Variants in TLR7 observed in about 807,000 individuals in gnomAD.
The protein encoded by TLR7 is toll-like receptor 7.
Under a neutral mutation model 38.3 loss-of-function variants are expected in TLR7, and 12 were observed. The ratio of observed to expected loss-of-function variants is 0.31; its 90% confidence interval spans 0.20 to 0.51. The LOEUF is 0.51. TLR7 is among the 20% of genes least tolerant of loss of function. The pLI, the probability that TLR7 is intolerant of heterozygous loss-of-function variation, is 0.98. For missense variants in TLR7, 504 were observed against 743.4 expected, an observed-to-expected ratio of 0.68 and a Z score of 3.74; for synonymous variants, 285 against 293.8, an observed-to-expected ratio of 0.97 and a Z score of 0.31.
rs766987669 is a variant in TLR7, at chrX:12,885,492, G to T, written c.4-20G>T. On this transcript the variant is annotated intron_variant, in intron 2 of 2. Coordinates refer to ENST00000380659, the MANE Select transcript of TLR7 (RefSeq NM_016562.4). ...TTGGTATGTTTTAGAACAATGATTT[G>T]TTCTTTCTTATACTTTCAGGTGTTT... The T allele has an allele frequency of 1.7e-6, 2 of 1,154,011 alleles. No homozygotes were observed. The highest frequency in any genetic ancestry group is 1.8e-5 in the African/African-American group (1 of 55,986).
At chrX:12,874,098 C>G (rs2042862777) in intron 2 of TLR7, among the ~76,000 whole-genome samples, 1 of 111,787 alleles carries the variant, frequency 8.9e-6, no homozygotes, top group East Asian at 2.8e-4. Context: ...GGCAGGCAGA[C>G]CACCTGAAGT....
chrX:12,876,709 G>A (rs1055217714), intron 2 of TLR7, among the ~76,000 whole-genome samples: 1 of 111,877 alleles, frequency 8.9e-6, no homozygotes, highest in East Asian at 2.8e-4. Context: ...CTAAAGAGAC[G>A]ATATATTGAG....
At chrX:12,885,165 C>G (rs531169933) in intron 2 of TLR7, among the ~76,000 whole-genome samples, 27 of 112,609 alleles carry the variant, frequency 2.4e-4, no homozygotes, top group East Asian at 8.3e-4. Flanking sequence ...TATCCATATT[C>G]TAACATTTCT....
intron 2 of TLR7, among the ~76,000 whole-genome samples, chrX:12,872,308 G>A (rs746631005): frequency 1.9e-4 from 21 of 111,700 alleles, no homozygotes; most frequent in Non-Finnish European, 3.8e-4. Context: ...CTCTCCCACA[G>A]GGTCTCTCTT....
chrX:12,888,425 T>C lies in TLR7; in HGVS notation c.2917T>C (p.Leu973=), dbSNP rs763667715. 6.6e-6 allele frequency: 8 copies of C among 1,210,335 alleles called. No homozygotes were observed. The highest frequency in any genetic ancestry group is 8.9e-6 in the Non-Finnish European group (8 of 895,252). The change falls in exon 3 of 3, where the codon TTG becomes CTG. Residue 973 remains leucine (L), a synonymous_variant. Coordinates refer to ENST00000380659, the MANE Select transcript of TLR7 (RefSeq NM_016562.4). ...KTENFKIAFY[L]SHQRLMDEKV... ...TGAAAATTTTAAGATAGCATTTTACTTGTCCCATCAGAGGCTCATGGATGA... is the reference window on the plus strand; with the variant it reads ...TGAAAATTTTAAGATAGCATTTTACCTGTCCCATCAGAGGCTCATGGATGA...
At position 12,886,681 on chromosome X, in the gene TLR7, G is replaced by A. The variant is rs745510673; in HGVS notation, c.1173G>A (p.Ser391=). The change falls in exon 3 of 3, where the codon TCG becomes TCA. Residue 391 remains serine (S), a synonymous_variant. Coordinates refer to ENST00000380659, the MANE Select transcript of TLR7 (RefSeq NM_016562.4). ...VFKELKSFNL[S]PLHNLQNLEV... is the part of the protein sequence containing the mutation. Reference sequence around the variant, plus strand: ...AAGAGTTGAAAAGCTTTAACCTCTCGCCATTACATAATCTTCAAAATCTTG... The same window carrying A: ...AAGAGTTGAAAAGCTTTAACCTCTCACCATTACATAATCTTCAAAATCTTG... The A allele has an allele frequency of 1.2e-5, 15 of 1,209,988 alleles. No individual in the cohort carries two copies. Among genetic ancestry groups the A allele is most frequent in the East Asian group, 1.2e-4 (4 of 33,822 alleles).
chrX:12,882,084 C>G (rs1396530850), intron 2 of TLR7, among the ~76,000 whole-genome samples: 3 of 111,182 alleles, frequency 2.7e-5, no homozygotes, highest in African/African-American at 9.8e-5. Context: ...GTGGTGGTTA[C>G]AAGGCTGGCT....
chrX:12,886,693 T>A lies in TLR7; in HGVS notation c.1185T>A (p.Asn395Lys). 4 of 1,211,649 alleles carry A rather than the reference T, an allele frequency of 3.3e-6. No individual in the cohort carries two copies. Among genetic ancestry groups the A allele is most frequent in the Non-Finnish European group, 4.5e-6 (4 of 895,372 alleles). Reference protein sequence around the residue: ...LKSFNLSPLHNLQNLEVLDLG... With the variant: ...LKSFNLSPLHKLQNLEVLDLG... ...GCTTTAACCTCTCGCCATTACATAA[T>A]CTTCAAAATCTTGAAGTTCTTGATC... The change falls in exon 3 of 3, where the codon AAT becomes AAA. Residue 395 changes from asparagine (N) to lysine (K), a missense_variant. By Grantham distance (94) the Asn-to-Lys change is moderately conservative (BLOSUM62 0). Coordinates refer to ENST00000380659, the MANE Select transcript of TLR7 (RefSeq NM_016562.4).
chrX:12,881,888 AAG>A (rs1211953837), intron 2 of TLR7, among the ~76,000 whole-genome samples: 2 of 112,228 alleles, frequency 1.8e-5, no homozygotes, highest in African/African-American at 6.5e-5. Flanking sequence ...AGTGCTACGT[AAG>A]TTAACTACTA....
Position 12,888,576 on chromosome X carries a change from C to A in TLR7, c.3068C>A (p.Pro1023Gln), listed in dbSNP as rs768207383. Residue 1023 changes from proline (P) to glutamine (Q), a missense_variant, in exon 3 of 3, where the codon CCA becomes CAA. Coordinates refer to ENST00000380659, the MANE Select transcript of TLR7 (RefSeq NM_016562.4). The stretch of plus-strand genomic sequence containing the variant: ...TGGCCAACAAACCCGCAAGCTCACC[C>A]ATACTTCTGGCAGTGTCTAAAGAAC... ...LEWPTNPQAH[P>Q]YFWQCLKNAL... 2.5e-6 allele frequency: 3 copies of A among 1,211,541 alleles called. No individual in the cohort carries two copies. In the East Asian group the frequency reaches 8.9e-5, roughly 36 times the overall value.
At chrX:12,873,667 C>A (rs763683502) in intron 2 of TLR7, among the ~76,000 whole-genome samples, 2 of 112,087 alleles carry the variant, frequency 1.8e-5, no homozygotes, top group South Asian at 7.5e-4. Context: ...GGGAAGGCCC[C>A]TTTATACCAC....
chrX:12,887,970 A>G lies in TLR7; in HGVS notation c.2462A>G (p.Lys821Arg). 5 of 1,211,657 alleles carry G rather than the reference A, an allele frequency of 4.1e-6. No homozygotes were observed. The highest frequency in any genetic ancestry group is 5.6e-6 in the Non-Finnish European group (5 of 895,369). ...ACTTGTGTGGGGCCAGGAGCACACA[A>G]GGGCCAAAGTGTGATCTCCCTGGAT... ...DVTCVGPGAHKGQSVISLDLY... is the reference protein window; with the variant it reads ...DVTCVGPGAHRGQSVISLDLY... The change falls in exon 3 of 3, where the codon AAG (lysine) becomes AGG (arginine). Residue 821 changes from lysine to arginine, a missense_variant. Coordinates refer to ENST00000380659, the MANE Select transcript of TLR7 (RefSeq NM_016562.4).
rs2042911876 is a variant in TLR7 at position 12,886,423 on chromosome X, G to C, written c.915G>C (p.Val305=). The C allele has an allele frequency of 1.7e-6, 2 of 1,209,889 alleles. No individual in the cohort carries two copies. The highest frequency in any genetic ancestry group is 4.4e-5 in the Admixed American group (2 of 45,773). The change falls in exon 3 of 3, where the codon GTG becomes GTC. Residue 305 remains valine (V), a synonymous_variant. Coordinates refer to ENST00000380659, the MANE Select transcript of TLR7 (RefSeq NM_016562.4). ...TACACAGTAACTCTCTTCAGCATGT[G>C]CCCCCAAGATGGTTTAAGAACATCA... ...LRLHSNSLQH[V]PPRWFKNINK...
In TLR7 at chrX:12,885,692, G is replaced by T. The variant is rs958741253; in HGVS notation, c.184G>T (p.Gly62Cys). The T allele has an allele frequency of 5.8e-6, 7 of 1,209,948 alleles. No homozygotes were observed. The highest frequency in any genetic ancestry group is 7.8e-6 in the Non-Finnish European group (7 of 895,249). Residue 62 changes from glycine to cysteine, a missense_variant, in exon 3 of 3, where the codon GGT becomes TGT. Transcript: ENST00000380659. ...TDKHLTEIPG[G>C]IPTNTTNLTL... ...CAAGCATTTGACAGAAATTCCTGGA[G>T]GTATTCCCACGAACACCACGAACCT... is the stretch of plus-strand genomic sequence containing the variant.
Position 12,885,944 on chromosome X carries a change from C to T in TLR7, c.436C>T (p.Leu146Phe), listed in dbSNP as rs780148231. The T allele has an allele frequency of 6.6e-6, 8 of 1,211,945 alleles. No individual in the cohort carries two copies. The South Asian group carries it at 1.4e-4, about 21-fold the overall frequency. ...GNQLLEIPQGLPPSLQLLSLE... is the reference protein window; with the variant it reads ...GNQLLEIPQGFPPSLQLLSLE... ...CCAGCTACTAGAGATACCGCAGGGCCTCCCGCCTAGCTTACAGCTTCTCAG... is the reference window on the plus strand; with the variant it reads ...CCAGCTACTAGAGATACCGCAGGGCTTCCCGCCTAGCTTACAGCTTCTCAG... The change falls in exon 3 of 3, where the codon CTC (leucine) becomes TTC (phenylalanine). Residue 146 changes from leucine to phenylalanine, a missense_variant. Coordinates refer to ENST00000380659, the MANE Select transcript of TLR7 (RefSeq NM_016562.4).
intron 2 of TLR7, among the ~76,000 whole-genome samples, chrX:12,882,457 C>CG (rs1271151988): frequency 9.4e-6 from 1 of 106,071 alleles, no homozygotes; most frequent in Non-Finnish European, 1.9e-5. Context: ...AAGTGGGGGG[C>CG]GGGGGAGGTT....
chrX:12,882,251 T>C lies in TLR7; in HGVS notation c.4-3261T>C, dbSNP rs758428918. Among the ~76,000 whole-genome samples, 70 of 111,516 alleles carry C rather than the reference T, an allele frequency of 6.3e-4. No individual in the cohort carries two copies. In the Middle Eastern group the frequency reaches 0.023, roughly 37 times the overall value. ...TTTAAAGTGTAATAGGAAGACATTA[T>C]AGTTGATCTGATTCAGGTTTATAAA... On this transcript the variant is annotated intron_variant, in intron 2 of 2. Coordinates refer to ENST00000380659, the MANE Select transcript of TLR7 (RefSeq NM_016562.4).
At chrX:12,869,832 A>C (rs1447468032) in intron 2 of TLR7, among the ~76,000 whole-genome samples, 1 of 34,454 alleles carries the variant, frequency 2.9e-5, no homozygotes, top group Non-Finnish European at 4.7e-5. Context: ...CAGCCAGGCA[A>C]AAAAAAAAAA....
intron 2 of TLR7, among the ~76,000 whole-genome samples, chrX:12,879,585 T>C (rs1006309986): frequency 1.8e-5 from 2 of 111,562 alleles, no homozygotes; most frequent in Non-Finnish European, 3.8e-5. Context: ...ATTTTTCTCA[T>C]GTGCATTGCC....
Sources: allele counts gnomAD v4.1 joint callset (sites outside exome capture counted in the v4.1 genomes callset), GRCh38; gene constraint gnomAD v4.1.1; transcripts MANE v1.5; gene names NCBI Gene and HGNC (gene_info 2026-07-23, HGNC 2026-07-21).